The following TMEM167A variants were observed in gnomAD, a reference collection of about 807,000 sequenced individuals.
TMEM167A encodes the protein protein kish-A.
TMEM167A carries 8 observed loss-of-function variants against 11.6 expected under a neutral mutation model. The observed-to-expected ratio is 0.69, with a 90% CI of 0.40 to 1.24. The LOEUF is 1.24. Ranked by LOEUF, TMEM167A falls within the 50% of genes most tolerant of loss-of-function variation. The pLI is 0.01. For synonymous variants in TMEM167A, 22 were observed against 28.0 expected (o/e 0.79, Z 0.67); for missense variants, 62 against 87.0 (o/e 0.71, Z 1.14).
At chr5:83,074,101 TAA>T (rs1246247182) in intron 1 of TMEM167A, among the ~76,000 whole-genome samples, 2 of 152,260 alleles carry the variant, frequency 1.3e-5, no homozygotes, top group South Asian at 2.1e-4. Context: ...CATCAAAATA[TAA>T]AGTCTTTGGC....
chr5:83,057,253 T>C (rs1744346353), intron 3 of TMEM167A, 99 bp from the exon 4 acceptor site: 2 of 1,158,560 alleles, frequency 1.7e-6, no homozygotes, highest in African/African-American at 1.5e-5. Flanking sequence ...CATTCTTCCC[T>C]AGGAGGCCCG....
chr5:83,071,474 C>T (rs1224418498), intron 1 of TMEM167A: 1 of 152,122 alleles, frequency 6.6e-6, no homozygotes, highest in East Asian at 1.9e-4. Flanking sequence ...AGTGGGTCAG[C>T]ATTTATCATT....
At chr5:83,066,616 A>C (rs1264642442) in intron 1 of TMEM167A, among the ~76,000 whole-genome samples, 1 of 152,212 alleles carries the variant, frequency 6.6e-6, no homozygotes, top group Non-Finnish European at 1.5e-5. Flanking sequence ...CTTAAAACAT[A>C]TGGAAGAACA....
rs993324717 is a variant in TMEM167A, at chr5:83,053,773, T to C, written c.*3311A>G. 13 of 152,090 alleles carry C rather than the reference T, an allele frequency of 8.5e-5. No homozygotes were observed. Among genetic ancestry groups the C allele is most frequent in the African/African-American group, 2.9e-4 (12 of 41,444 alleles). 9.4% of individuals were successfully genotyped at this position (152,090 alleles called of 1,614,324 possible). The stretch of plus-strand genomic sequence containing the variant: ...ATGCTCTCAAGTTCAGCTTAAGCAG[T>C]GCTCCTCTGGAAGTTCACACCCTAA... On this transcript the variant is annotated 3_prime_UTR_variant, in exon 4 of 4. Transcript: ENST00000502346.
chr5:83,066,359 G>A (rs1309382432), intron 1 of TMEM167A, among the ~76,000 whole-genome samples: 2 of 152,088 alleles, frequency 1.3e-5, no homozygotes, highest in African/African-American at 2.4e-5. Flanking sequence ...TGGTACTTGC[G>A]GCTGAGTGCT....
Position 83,056,799 on chromosome 5 carries a change from T to C in TMEM167A, c.*285A>G, listed in dbSNP as rs111883325. The C allele has an allele frequency of 3.8e-4, 160 of 421,236 alleles. No individual in the cohort carries two copies. The highest frequency in any genetic ancestry group is 2.4e-3 in the African/African-American group (117 of 47,916). The allele number at this position is 421,236 out of a possible 1,614,324, so 26.1% of individuals were successfully genotyped here. A position where few individuals can be genotyped will look rare whatever the true frequency, so the allele number is the denominator to read the frequency against. On this transcript the variant is annotated 3_prime_UTR_variant, in exon 4 of 4. Transcript: ENST00000502346. ...TGTTTTCTACTATGTGCCTTAGAGA[T>C]ACCTCACTAAAATTTTGTATCTGAT...
intron 3 of TMEM167A, among the ~76,000 whole-genome samples, chr5:83,057,706 A>T (rs935970816): frequency 6.6e-6 from 1 of 152,128 alleles, no homozygotes; most frequent in African/African-American, 2.4e-5. Flanking sequence ...AAAAATTAGA[A>T]AAACTATTTC....
In TMEM167A at chr5:83,053,384, T is replaced by G. The variant is rs933042303; in HGVS notation, c.*3700A>C. 2.0e-5 allele frequency: 3 copies of G among 151,914 alleles called. No individual in the cohort carries two copies. Among genetic ancestry groups the G allele is most frequent in the African/African-American group, 7.2e-5 (3 of 41,396 alleles). 9.4% of individuals were successfully genotyped at this position (151,914 alleles called of 1,614,324 possible). ...CTTTTGGTATCAAGAGTATGAGCTA[T>G]TAAGAGTTTCTAAAAATACTGACCT... On this transcript the variant is annotated 3_prime_UTR_variant, in exon 4 of 4. Coordinates refer to ENST00000502346, the MANE Select transcript of TMEM167A (RefSeq NM_174909.5).
intron 3 of TMEM167A, among the ~76,000 whole-genome samples, chr5:83,058,815 A>G (rs1480265997): frequency 3.3e-5 from 5 of 152,102 alleles, no homozygotes; most frequent in Non-Finnish European, 7.4e-5. Flanking sequence ...TGGTAGAGCT[A>G]AACATCTTTA....
chr5:83,061,333 A>G (rs6867727), intron 3 of TMEM167A, among the ~76,000 whole-genome samples: 73,933 of 152,008 alleles, frequency 0.49, 18,636 homozygotes, highest in African/African-American at 0.59. Flanking sequence ...CCCAATACCA[A>G]GAATGCATGG....
At chr5:83,064,596 C>T (rs1381246915) in intron 2 of TMEM167A, among the ~76,000 whole-genome samples, 1 of 152,034 alleles carries the variant, frequency 6.6e-6, no homozygotes, top group East Asian at 1.9e-4. Context: ...ACTTCATGCA[C>T]AGCCAAGCAA....
At position 83,053,015 on chromosome 5, in the gene TMEM167A, A is replaced by G. The variant is rs1290583799; in HGVS notation, c.*4069T>C. 6.6e-6 allele frequency: 1 copy of G among 151,884 alleles called. No homozygotes were observed. The highest frequency in any genetic ancestry group is 1.5e-5 in the Non-Finnish European group (1 of 67,882). 9.4% of individuals were successfully genotyped at this position (151,884 alleles called of 1,614,324 possible). Reference sequence around the variant, plus strand: ...TTGGAGATTAGCTTAGGGCAAAGTAAAAGTCATGGAAGGCAGTGTATAAAT... The same window carrying G: ...TTGGAGATTAGCTTAGGGCAAAGTAGAAGTCATGGAAGGCAGTGTATAAAT... On this transcript the variant is annotated 3_prime_UTR_variant, in exon 4 of 4. Transcript: ENST00000502346.
intron 1 of TMEM167A, among the ~76,000 whole-genome samples, chr5:83,066,328 G>C (rs1005885924): frequency 6.6e-6 from 1 of 152,136 alleles, no homozygotes; most frequent in African/African-American, 2.4e-5. Flanking sequence ...TGACTCATGA[G>C]AAAACTTAGT....
chr5:83,062,046 C>T (rs1219595381), intron 2 of TMEM167A, 135 bp from the exon 3 acceptor site: 1 of 685,998 alleles, frequency 1.5e-6, no homozygotes, highest in African/African-American at 1.8e-5. Context: ...TTTGAAATCT[C>T]CTTATTTGAT....
chr5:83,068,334 T>TG (rs1412811494), intron 1 of TMEM167A, among the ~76,000 whole-genome samples: 2 of 152,210 alleles, frequency 1.3e-5, no homozygotes, highest in African/African-American at 4.8e-5. Flanking sequence ...ACTGAGTACT[T>TG]GTTTTATGTT....
chr5:83,075,537 G>C (rs2112252072), intron 1 of TMEM167A, among the ~76,000 whole-genome samples: 1 of 152,200 alleles, frequency 6.6e-6, no homozygotes, highest in Admixed American at 6.5e-5. Context: ...ACGAGGTCAA[G>C]AGATCGAGAC....
chr5:83,066,577 T>G (rs80293581), intron 1 of TMEM167A, among the ~76,000 whole-genome samples: 1 of 152,116 alleles, frequency 6.6e-6, no homozygotes, highest in Non-Finnish European at 1.5e-5. Flanking sequence ...ATGTGCAACA[T>G]TGGCATCAAA....
chr5:83,061,839 T>C (rs1388490693), intron 3 of TMEM167A, 38 bp downstream of exon 3: 2 of 1,580,610 alleles, frequency 1.3e-6, no homozygotes, highest in African/African-American at 1.3e-5. Flanking sequence ...GTCAACAATT[T>C]ACAGCTGAAG....
intron 1 of TMEM167A, among the ~76,000 whole-genome samples, chr5:83,076,340 G>C (rs578199540): frequency 2.2e-4 from 34 of 152,342 alleles, no homozygotes; most frequent in African/African-American, 8.2e-4. Flanking sequence ...ATATACTGTT[G>C]ATCTTAAGCA....
Sources: gnomAD v4.1 joint callset for allele counts (sites outside exome capture counted in the v4.1 genomes callset) on GRCh38, gnomAD v4.1.1 for gene constraint, MANE v1.5 for transcripts, NCBI Gene and HGNC (gene_info 2026-07-23, HGNC 2026-07-21) for gene names.